Variants in EGFLAM observed in about 807,000 individuals in gnomAD.
EGFLAM encodes pikachurin.
In EGFLAM, 79 loss-of-function variants were observed where a neutral mutation model predicts 113.1. That is an observed-to-expected ratio of 0.70 (90% confidence interval 0.58 to 0.84). The LOEUF is 0.84. Among genes scored for constraint, EGFLAM ranks in the 40% least tolerant of loss-of-function variants. The probability of loss-of-function intolerance (pLI) is 0.00; values close to 1 mark genes in which losing one functional copy is unlikely to be tolerated. For missense variants in EGFLAM, 1,265 were observed against 1,291.6 expected (o/e 0.98, Z 0.32); for synonymous variants, 504 against 487.6 (o/e 1.03, Z -0.44).
chr5:38,328,346 C>T (rs548721836), intron 1 of EGFLAM, among the ~76,000 whole-genome samples: 1 of 152,330 alleles, frequency 6.6e-6, no homozygotes, highest in South Asian at 2.1e-4. Context: ...GGCCCTTCCT[C>T]CAACACTGGG....
At chr5:38,417,075 C>T (rs900834714) in intron 11 of EGFLAM, among the ~76,000 whole-genome samples, 6 of 151,990 alleles carry the variant, frequency 3.9e-5, no homozygotes, top group Non-Finnish European at 8.8e-5. Context: ...ATGACCAGGC[C>T]GGGCGTGGTA....
chr5:38,395,564 C>T lies in EGFLAM; in HGVS notation c.713-10562C>T, dbSNP rs141157953. ...GTGTCTCTGGTTTGAACAACTTGCCCATCTGAATACCTAAAGGAGAATTGA... is the reference window on the plus strand; with the variant it reads ...GTGTCTCTGGTTTGAACAACTTGCCTATCTGAATACCTAAAGGAGAATTGA... On this transcript the variant is annotated intron_variant, in intron 6 of 21. Coordinates refer to ENST00000322350, the MANE Select transcript of EGFLAM (RefSeq NM_152403.4). Among the ~76,000 whole-genome samples the T allele has an allele frequency of 2.6e-3, 395 of 152,208 alleles. 2 individuals are homozygous for T. Among genetic ancestry groups the T allele is most frequent in the African/African-American group, 8.8e-3 (366 of 41,540 alleles).
At chr5:38,352,395 T>C in intron 5 of EGFLAM, 64 bp downstream of exon 5, 2 of 1,588,700 alleles carry the variant, frequency 1.3e-6, no homozygotes, top group Non-Finnish European at 1.7e-6. Flanking sequence ...ACACCTGTAA[T>C]CCCAGCACTT....
At chr5:38,401,454 CT>C (rs981297555) in intron 6 of EGFLAM, among the ~76,000 whole-genome samples, 2 of 152,134 alleles carry the variant, frequency 1.3e-5, no homozygotes, top group African/African-American at 4.8e-5. Context: ...TTTCTGTGGC[CT>C]CGGTTTCCAT....
At chr5:38,392,629 T>TG (rs36090122) in intron 6 of EGFLAM, among the ~76,000 whole-genome samples, 12,068 of 147,552 alleles carry the variant, frequency 0.082, 639 homozygotes, top group African/African-American at 0.14. Flanking sequence ...TCTTTTTTTT[T>TG]GGGGGGGCGG....
intron 6 of EGFLAM, among the ~76,000 whole-genome samples, chr5:38,396,741 A>C (rs941463074): frequency 1.3e-5 from 2 of 152,216 alleles, no homozygotes; most frequent in African/African-American, 4.8e-5. Flanking sequence ...AGAGGCTCCA[A>C]GCCTGAAATT....
intron 15 of EGFLAM, among the ~76,000 whole-genome samples, chr5:38,433,641 T>C (rs947160324): frequency 1.3e-5 from 2 of 152,216 alleles, no homozygotes; most frequent in African/African-American, 4.8e-5. Flanking sequence ...GCAATTTTTT[T>C]TCCTAGCAGC....
intron 6 of EGFLAM, among the ~76,000 whole-genome samples, chr5:38,391,764 T>C (rs2112088598): frequency 6.6e-6 from 1 of 152,188 alleles, no homozygotes; most frequent in East Asian, 1.9e-4. Flanking sequence ...TCAGTCCTCA[T>C]TGTCCTTCAC....
chr5:38,321,303 A>G (rs927006365), intron 1 of EGFLAM, among the ~76,000 whole-genome samples: 1 of 152,194 alleles, frequency 6.6e-6, no homozygotes, highest in Non-Finnish European at 1.5e-5. Context: ...CTGATCTGAC[A>G]GGAGGCGGAA....
At chr5:38,430,083 T>C (rs576343151) in intron 14 of EGFLAM, 3 of 229,754 alleles carry the variant, frequency 1.3e-5, no homozygotes, top group East Asian at 2.1e-4. Context: ...ATCAATGTTC[T>C]TCACGATGAC....
At position 38,424,998 on chromosome 5, in the gene EGFLAM, C is replaced by T; in HGVS notation, c.1716C>T (p.Ala572=). The T allele has an allele frequency of 6.2e-7, 1 of 1,613,986 alleles. No individual in the cohort carries two copies. The highest frequency in any genetic ancestry group is 1.3e-5 in the African/African-American group (1 of 75,000). ...GECSSGICDE[A]SCIHGGTCTA... ...GCAGCAGTGGAATCTGTGATGAGGC[C>T]TCGTGCATCCATGGTGGCACCTGCA... The change falls in exon 13 of 22, where the codon GCC becomes GCT. Residue 572 remains alanine, a synonymous_variant. Coordinates refer to ENST00000322350, the MANE Select transcript of EGFLAM (RefSeq NM_152403.4).
At position 38,423,087 on chromosome 5, in the gene EGFLAM, C is replaced by T. The variant is rs546487074; in HGVS notation, c.1685-1880C>T. Among the ~76,000 whole-genome samples the T allele has an allele frequency of 5.3e-5, 8 of 152,294 alleles. No individual in the cohort carries two copies. In the South Asian group the frequency reaches 1.7e-3, roughly 32 times the overall value. ...CTTAAATCCAACCAAAGCAACCTCT[C>T]CCTTTGCTTTGCAGAAGCCAGGTCC... On this transcript the variant is annotated intron_variant, in intron 12 of 21. Coordinates refer to ENST00000322350, the MANE Select transcript of EGFLAM (RefSeq NM_152403.4).
At chr5:38,366,881 C>T (rs1740074674) in intron 5 of EGFLAM, among the ~76,000 whole-genome samples, 1 of 152,216 alleles carries the variant, frequency 6.6e-6, no homozygotes. Flanking sequence ...TCACCCAGCC[C>T]TGATAGCCAG....
intron 17 of EGFLAM, among the ~76,000 whole-genome samples, chr5:38,443,769 C>CTTT (rs11320853): frequency 2.0e-4 from 26 of 133,260 alleles, no homozygotes; most frequent in African/African-American, 7.1e-4. Flanking sequence ...CCCTTCAACT[C>CTTT]TTTTTTTTTT....
At chr5:38,265,889 A>T (rs1757621405) in intron 1 of EGFLAM, among the ~76,000 whole-genome samples, 1 of 152,222 alleles carries the variant, frequency 6.6e-6, no homozygotes, top group African/African-American at 2.4e-5. Flanking sequence ...ACTTTGAGAC[A>T]TGCCAAAAGA....
chr5:38,331,891 C>T (rs1896661), intron 1 of EGFLAM, among the ~76,000 whole-genome samples: 55,710 of 152,036 alleles, frequency 0.37, 13,512 homozygotes, highest in African/African-American at 0.69. Flanking sequence ...TGTATATATC[C>T]ATGTGCAGTT....
intron 5 of EGFLAM, among the ~76,000 whole-genome samples, chr5:38,356,397 C>A (rs560467149): frequency 3.3e-5 from 5 of 152,206 alleles, no homozygotes; most frequent in African/African-American, 1.2e-4. Context: ...TATCTATACA[C>A]GTAGACACTC....
At position 38,335,340 on chromosome 5, in the gene EGFLAM, A is replaced by G. The variant is rs573601122; in HGVS notation, c.98-2180A>G. 2.6e-5 allele frequency among the ~76,000 whole-genome samples: 4 copies of G among 152,324 alleles called. No individual in the cohort carries two copies. In the South Asian group the frequency reaches 8.3e-4, roughly 32 times the overall value. On this transcript the variant is annotated intron_variant, in intron 1 of 21. Transcript: ENST00000322350. The stretch of plus-strand genomic sequence containing the variant: ...TATTTTGATAATAACTGCAATGTCA[A>G]TCAATGGAGTAATAGTTAATGTACA...
intron 6 of EGFLAM, among the ~76,000 whole-genome samples, chr5:38,381,220 C>T (rs1740503435): frequency 6.6e-6 from 1 of 152,132 alleles, no homozygotes; most frequent in African/African-American, 2.4e-5. Context: ...TCCTTTGGAG[C>T]ATTTCTTGCT....
Sources: allele counts gnomAD v4.1 joint callset (sites outside exome capture counted in the v4.1 genomes callset), GRCh38; gene constraint gnomAD v4.1.1; transcripts MANE v1.5; gene names NCBI Gene and HGNC (gene_info 2026-07-23, HGNC 2026-07-21).